UBE2R2: variants seen among roughly 807,000 people sequenced by gnomAD.
UBE2R2 encodes ubiquitin conjugating enzyme E2 R2.
Under a neutral mutation model 27.8 loss-of-function variants are expected in UBE2R2, and 1 was observed. That is an observed-to-expected ratio of 0.04 (90% CI 0.01 to 0.17). The LOEUF is 0.17. UBE2R2 is among the 10% of genes least tolerant of loss of function. The pLI, the probability that UBE2R2 is intolerant of heterozygous loss-of-function variation, is 1.00. For synonymous variants in UBE2R2, 106 were observed against 113.3 expected (o/e 0.94, Z 0.41); for missense variants, 100 against 291.0 (o/e 0.34, Z 4.78).
chr9:33,854,422 C>T (rs772661096), intron 1 of UBE2R2, among the ~76,000 whole-genome samples: 2 of 151,858 alleles, frequency 1.3e-5, no homozygotes, highest in Non-Finnish European at 2.9e-5. Flanking sequence ...TGGATTCAAG[C>T]GATTCTCCTG....
chr9:33,919,137 C>G lies in UBE2R2; in HGVS notation c.*1900C>G, dbSNP rs1017420134. ...AGTGATTTTAGTCAGATCCATGGAA[C>G]AGAGCAGCTTCGTAATACATTGTCA... On this transcript the variant is annotated 3_prime_UTR_variant, in exon 5 of 5. Coordinates refer to ENST00000263228, the MANE Select transcript of UBE2R2 (RefSeq NM_017811.4). The G allele has an allele frequency of 6.6e-6, 1 of 152,410 alleles. No individual in the cohort carries two copies. The highest frequency in any genetic ancestry group is 1.9e-4 in the East Asian group (1 of 5,188). The allele number at this position is 152,410 out of a possible 1,614,324, so 9.4% of individuals were successfully genotyped here.
intron 2 of UBE2R2, among the ~76,000 whole-genome samples, chr9:33,893,172 G>GT (rs1196738644): frequency 1.1e-4 from 16 of 152,212 alleles, no homozygotes; most frequent in Admixed American, 5.2e-4. Context: ...GTGGTAAAGC[G>GT]TTTCCATCAC....
At chr9:33,824,506 G>A (rs940675511) in intron 1 of UBE2R2, among the ~76,000 whole-genome samples, 2 of 152,094 alleles carry the variant, frequency 1.3e-5, no homozygotes, top group Non-Finnish European at 2.9e-5. Flanking sequence ...AGGCATGGTG[G>A]TAGGCACATG....
chr9:33,911,648 C>CA (rs1382934720), intron 3 of UBE2R2, among the ~76,000 whole-genome samples: 2 of 152,084 alleles, frequency 1.3e-5, no homozygotes, highest in African/African-American at 4.8e-5. Flanking sequence ...ATGCTTTGTG[C>CA]ATTACCCTTA....
intron 3 of UBE2R2, among the ~76,000 whole-genome samples, chr9:33,908,068 G>A (rs543097497): frequency 2.6e-5 from 4 of 152,228 alleles, no homozygotes; most frequent in East Asian, 1.9e-4. Flanking sequence ...CAGGTGATCC[G>A]CCTGCCTCGG....
chr9:33,850,318 A>G (rs946596771), intron 1 of UBE2R2, among the ~76,000 whole-genome samples: 4 of 152,172 alleles, frequency 2.6e-5, no homozygotes, highest in Admixed American at 2.0e-4. Context: ...GGAGTTAGGG[A>G]TGCCCAGATT....
chr9:33,905,878 C>G (rs776810764), intron 3 of UBE2R2, among the ~76,000 whole-genome samples: 1 of 152,120 alleles, frequency 6.6e-6, no homozygotes, highest in African/African-American at 2.4e-5. Context: ...GGGTAGAACC[C>G]AGAGTCAGTA....
intron 2 of UBE2R2, among the ~76,000 whole-genome samples, chr9:33,891,573 G>A (rs1053882510): frequency 4.6e-5 from 7 of 151,862 alleles, no homozygotes; most frequent in Non-Finnish European, 1.0e-4. Context: ...CTTGAACCCA[G>A]GAGGCAGAGG....
At chr9:33,865,768 T>G (rs1821347286) in intron 1 of UBE2R2, among the ~76,000 whole-genome samples, 1 of 152,122 alleles carries the variant, frequency 6.6e-6, no homozygotes, top group Non-Finnish European at 1.5e-5. Context: ...TGTAGTGTTT[T>G]GTTTTTTGTT....
chr9:33,885,354 T>A (rs1821833100), intron 1 of UBE2R2, among the ~76,000 whole-genome samples: 1 of 152,192 alleles, frequency 6.6e-6, no homozygotes, highest in African/African-American at 2.4e-5. Context: ...TTTTGGTTAG[T>A]CTGTTTTGTA....
intron 1 of UBE2R2, among the ~76,000 whole-genome samples, chr9:33,856,888 CTTTTTTTTTTT>C (rs140169417): frequency 1.2e-5 from 1 of 82,324 alleles, no homozygotes. Flanking sequence ...CTTCCTTTCA[CTTTTTTTTTTT>C]TTTTTTTTTT....
At position 33,912,037 on chromosome 9, in the gene UBE2R2, G is replaced by A. The variant is rs1468024826; in HGVS notation, c.436G>A (p.Val146Ile). ...TFSPANVDAS[V>I]MFRKWRDSKG... Reference sequence around the variant, plus strand: ...CTCCCCAGCCAATGTCGATGCTTCAGTTATGTTCAGGAAATGGAGAGACAG... The same window carrying A: ...CTCCCCAGCCAATGTCGATGCTTCAATTATGTTCAGGAAATGGAGAGACAG... Residue 146 changes from valine (V) to isoleucine (I), a missense_variant, in exon 4 of 5, where the codon GTT becomes ATT. Transcript: ENST00000263228. The A allele has an allele frequency of 6.2e-7, 1 of 1,613,504 alleles. No individual in the cohort carries two copies. Among genetic ancestry groups the A allele is most frequent in the Non-Finnish European group, 8.5e-7 (1 of 1,179,748 alleles).
intron 1 of UBE2R2, among the ~76,000 whole-genome samples, chr9:33,851,074 C>G (rs1357657300): frequency 2.6e-5 from 4 of 152,188 alleles, no homozygotes; most frequent in African/African-American, 4.8e-5. Flanking sequence ...TTTCTTTTTA[C>G]TTCCATTCCC....
At chr9:33,914,360 G>A (rs1853760) in intron 4 of UBE2R2, among the ~76,000 whole-genome samples, 147,236 of 152,278 alleles carry the variant, frequency 0.97, 71,270 homozygotes, top group Non-Finnish European at 0.99. Flanking sequence ...ATGTTAAGGG[G>A]ATTACAAATG....
Position 33,917,028 on chromosome 9 carries a change from T to G in UBE2R2, c.508T>G (p.Ser170Ala). The G allele has an allele frequency of 6.2e-7, 1 of 1,614,192 alleles. No individual in the cohort carries two copies. Among genetic ancestry groups the G allele is most frequent in the Non-Finnish European group, 8.5e-7 (1 of 1,180,040 alleles). Residue 170 changes from serine (S) to alanine (A), a missense_variant, in exon 5 of 5, where the codon TCA becomes GCA. Ser to Ala is a moderately conservative substitution (Grantham distance 99, BLOSUM62 1). Around this residue, in one of 3 missense-constraint regions of UBE2R2, gnomAD observed 55 missense variants for 122.6 expected, o/e 0.45. Coordinates refer to ENST00000263228, the MANE Select transcript of UBE2R2 (RefSeq NM_017811.4). ...TCAACCTCCCTTCAGGAAACAAGTT[T>G]CAGCCACTAAGGCCGAAGCAGAAAA... The part of the protein sequence containing the change: ...EYAEIIRKQV[S>A]ATKAEAEKDG...
At chr9:33,914,974 A>C (rs766221325) in intron 4 of UBE2R2, among the ~76,000 whole-genome samples, 1 of 151,916 alleles carries the variant, frequency 6.6e-6, no homozygotes, top group African/African-American at 2.4e-5. Flanking sequence ...CCATCTCTAC[A>C]AAAAAATTAG....
chr9:33,860,265 TTA>T (rs1346664720), intron 1 of UBE2R2, among the ~76,000 whole-genome samples: 1 of 152,176 alleles, frequency 6.6e-6, no homozygotes, highest in Admixed American at 6.5e-5. Context: ...TTGTGTAAGT[TTA>T]TGTTTTTATT....
chr9:33,850,636 C>T (rs1162869482), intron 1 of UBE2R2, among the ~76,000 whole-genome samples: 6 of 152,100 alleles, frequency 3.9e-5, no homozygotes, highest in East Asian at 1.9e-4. Context: ...TCCTGCCAAT[C>T]GGGATTCCTT....
At chr9:33,843,482 TTTG>T (rs1333138460) in intron 1 of UBE2R2, among the ~76,000 whole-genome samples, 1 of 152,024 alleles carries the variant, frequency 6.6e-6, no homozygotes, top group Non-Finnish European at 1.5e-5. Context: ...TTTTAACTTT[TTTG>T]TTTTTTTTTT....
Sources: allele counts gnomAD v4.1 joint callset (sites outside exome capture counted in the v4.1 genomes callset), GRCh38; gene constraint gnomAD v4.1.1; regional missense constraint gnomAD v4.1.1; transcripts MANE v1.5; gene names NCBI Gene and HGNC (gene_info 2026-07-23, HGNC 2026-07-21).